SLC30A5: variants seen among roughly 807,000 people sequenced by gnomAD.
SLC30A5 encodes the protein proton-coupled zinc antiporter SLC30A5.
SLC30A5 carries 33 observed loss-of-function variants against 79.6 expected under a neutral mutation model. That is an observed-to-expected ratio of 0.41 (90% CI 0.31 to 0.55). SLC30A5 has a LOEUF of 0.55. SLC30A5 is among the 20% of genes least tolerant of loss of function. The pLI is 0.20. For missense variants in SLC30A5, 788 were observed against 928.1 expected (o/e 0.85, Z 1.96); for synonymous variants, 299 against 319.7 (o/e 0.94, Z 0.69).
intron 15 of SLC30A5, among the ~76,000 whole-genome samples, chr5:69,129,227 G>T (rs1201799758): frequency 6.6e-6 from 1 of 152,076 alleles, no homozygotes; most frequent in East Asian, 1.9e-4. Flanking sequence ...CTTACCAGTT[G>T]AGCATCCCTA....
chr5:69,116,128 G>A lies in SLC30A5; in HGVS notation c.986G>A (p.Arg329Gln), dbSNP rs143418810. Residue 329 changes from arginine (R) to glutamine (Q), a missense_variant, in exon 9 of 16, where the codon CGG becomes CAG. Arg to Gln is a conservative substitution (Grantham distance 43). Transcript: ENST00000396591. This position sits in a 1 kb window ranked among gnomAD's most constrained non-coding sequence, Gnocchi z 4.0. ...ACACATCCAATAACAGACCAGCTTCGGGCTATGAACAAAGCAGCACACCAG... is the reference window on the plus strand; with the variant it reads ...ACACATCCAATAACAGACCAGCTTCAGGCTATGAACAAAGCAGCACACCAG... ...FWTHPITDQL[R>Q]AMNKAAHQES... is the part of the protein sequence containing the mutation. 8.7e-6 allele frequency: 14 copies of A among 1,613,910 alleles called. No homozygotes were observed. The highest frequency in any genetic ancestry group is 5.3e-5 in the African/African-American group (4 of 74,874).
intron 14 of SLC30A5, 142 bp from the exon 15 acceptor site, chr5:69,127,862 T>C: frequency 1.6e-6 from 1 of 618,536 alleles, no homozygotes; most frequent in Non-Finnish European, 2.7e-6. Flanking sequence ...GGTTTTTTGT[T>C]TGTTTTGTTT....
At position 69,119,915 on chromosome 5, in the gene SLC30A5, G is replaced by A. The variant is rs536057260; in HGVS notation, c.1569+1287G>A. 2.6e-5 allele frequency among the ~76,000 whole-genome samples: 4 copies of A among 151,162 alleles called. No homozygotes were observed. The East Asian group carries it at 7.8e-4, about 29-fold the overall frequency. On this transcript the variant is annotated intron_variant, in intron 12 of 15. Coordinates refer to ENST00000396591, the MANE Select transcript of SLC30A5 (RefSeq NM_022902.5). Reference sequence around the variant, plus strand: ...CACACCTGTAATCCCAGCTAGTTGGGAGGCTGAGGCAGGAGAATCACTTCA... The same window carrying A: ...CACACCTGTAATCCCAGCTAGTTGGAAGGCTGAGGCAGGAGAATCACTTCA...
At chr5:69,125,945 T>G (rs1203441116) in intron 14 of SLC30A5, among the ~76,000 whole-genome samples, 1 of 146,972 alleles carries the variant, frequency 6.8e-6, no homozygotes, top group Admixed American at 6.8e-5. Context: ...ACTACCTGAG[T>G]GGCTGAAGCA....
At chr5:69,108,620 G>T (rs1746149188) in intron 5 of SLC30A5, among the ~76,000 whole-genome samples, 184 bp downstream of exon 5, 1 of 152,132 alleles carries the variant, frequency 6.6e-6, no homozygotes, top group Non-Finnish European at 1.5e-5. Context: ...TCAGGAGCTT[G>T]AGACCAGCCT....
intron 7 of SLC30A5, among the ~76,000 whole-genome samples, chr5:69,114,727 T>C (rs539092364): frequency 7.9e-5 from 12 of 152,190 alleles, no homozygotes; most frequent in African/African-American, 2.9e-4. Context: ...TAGCCAGGCA[T>C]GGTGGCACAT....
At chr5:69,123,645 C>G in intron 14 of SLC30A5, 1 of 432,346 alleles carries the variant, frequency 2.3e-6, no homozygotes, top group South Asian at 2.9e-5. Context: ...AAACAGGGAC[C>G]GAATAGATGG....
At chr5:69,127,828 T>C (rs1381670165) in intron 14 of SLC30A5, among the ~76,000 whole-genome samples, 176 bp from the exon 15 acceptor site, 1 of 152,182 alleles carries the variant, frequency 6.6e-6, no homozygotes, top group Non-Finnish European at 1.5e-5. Flanking sequence ...TATTCCTTCC[T>C]GCTTCTGGCT....
chr5:69,120,274 C>A lies in SLC30A5; in HGVS notation c.1570-1420C>A, dbSNP rs530193411. 9.2e-4 allele frequency among the ~76,000 whole-genome samples: 139 copies of A among 151,460 alleles called. 6 individuals carry two copies. In the South Asian group the frequency reaches 0.029, roughly 31 times the overall value. ...TGGCGGGCGCCTGTAATCCCAGCTGCTTGGGTGGCTGAGGTAGGAGAATTG... is the reference window on the plus strand; with the variant it reads ...TGGCGGGCGCCTGTAATCCCAGCTGATTGGGTGGCTGAGGTAGGAGAATTG... On this transcript the variant is annotated intron_variant, in intron 12 of 15. Coordinates refer to ENST00000396591, the MANE Select transcript of SLC30A5 (RefSeq NM_022902.5).
chr5:69,105,850 T>C (rs1283594914), intron 4 of SLC30A5, among the ~76,000 whole-genome samples: 2 of 152,182 alleles, frequency 1.3e-5, no homozygotes, highest in Non-Finnish European at 2.9e-5. Flanking sequence ...AGGAACCCTG[T>C]TGTGAACTGT....
chr5:69,118,725 G>T lies in SLC30A5; in HGVS notation c.1569+97G>T. On this transcript the variant is annotated intron_variant, in intron 12 of 15. Coordinates refer to ENST00000396591, the MANE Select transcript of SLC30A5 (RefSeq NM_022902.5). ...TGTTTGCAGTTATTGCTCTAAGAAGGTTTTATTTTTTACTTATATCAACAT... is the reference window on the plus strand; with the variant it reads ...TGTTTGCAGTTATTGCTCTAAGAAGTTTTTATTTTTTACTTATATCAACAT... 5 of 1,022,738 alleles carry T rather than the reference G, an allele frequency of 4.9e-6. No individual in the cohort carries two copies. In the South Asian group the frequency reaches 6.9e-5, roughly 14 times the overall value. 63.4% of individuals were successfully genotyped at this position (1,022,738 alleles called of 1,614,324 possible).
rs773026820 is a variant in SLC30A5, at chr5:69,129,803, GTAATTATTTAA to G, written c.*187_*197del. 6.6e-6 allele frequency: 3 copies of G among 454,500 alleles called. No homozygotes were observed. Among genetic ancestry groups the G allele is most frequent in the Non-Finnish European group, 1.1e-5 (3 of 264,376 alleles). The allele number at this position is 454,500 out of a possible 1,614,324, so 28.2% of individuals were successfully genotyped here. On this transcript the variant is annotated 3_prime_UTR_variant, in exon 16 of 16. Transcript: ENST00000396591. ...ATGAAACATTAATGGTAAAAGTGGAGTAATTATTTAAATTATGTGTATAAAAGGAATCAAAT... is the reference window on the plus strand; with the variant it reads ...ATGAAACATTAATGGTAAAAGTGGAGATTATGTGTATAAAAGGAATCAAAT...
At chr5:69,096,611 C>A (rs1471770513) in intron 1 of SLC30A5, among the ~76,000 whole-genome samples, 1 of 152,114 alleles carries the variant, frequency 6.6e-6, no homozygotes, top group Non-Finnish European at 1.5e-5. Context: ...ACTCTGCTTA[C>A]CATTCTCTCA....
At chr5:69,105,162 T>C (rs1561289479) in intron 4 of SLC30A5, among the ~76,000 whole-genome samples, 3 of 152,196 alleles carry the variant, frequency 2.0e-5, no homozygotes, top group Admixed American at 6.5e-5. Flanking sequence ...GTATATCAAT[T>C]ATCAGATTAA....
chr5:69,106,727 AG>A (rs1200314300), intron 4 of SLC30A5, among the ~76,000 whole-genome samples: 17 of 152,332 alleles, frequency 1.1e-4, no homozygotes, highest in African/African-American at 3.6e-4. Context: ...ACCTGACCTC[AG>A]GAGGTAGAAG....
chr5:69,105,617 C>T (rs1478910901), intron 4 of SLC30A5, among the ~76,000 whole-genome samples: 1 of 152,004 alleles, frequency 6.6e-6, no homozygotes, highest in African/African-American at 2.4e-5. Flanking sequence ...GAGATCACGC[C>T]ACTGCACTGC....
intron 5 of SLC30A5, among the ~76,000 whole-genome samples, 163 bp downstream of exon 5, chr5:69,108,599 A>G (rs1746148856): frequency 6.6e-6 from 1 of 152,166 alleles, no homozygotes; most frequent in Non-Finnish European, 1.5e-5. Context: ...AGGTGGGCGG[A>G]TTACATGAGG....
rs749022998 is a variant in SLC30A5 at position 69,121,840 on chromosome 5, T to C, written c.1716T>C (p.His572=). Residue 572 remains histidine (H), a synonymous_variant, in exon 13 of 16, where the codon CAT becomes CAC. Transcript: ENST00000396591. Reference sequence around the variant, plus strand: ...ACCATATGCATGGACACAGTGACCATGGGCATGGTCACAGCCACGGATCTG... The same window carrying C: ...ACCATATGCATGGACACAGTGACCACGGGCATGGTCACAGCCACGGATCTG... ...HSHHMHGHSD[H]GHGHSHGSAG... The C allele has an allele frequency of 2.1e-5, 34 of 1,613,554 alleles. No individual in the cohort carries two copies. Among genetic ancestry groups the C allele is most frequent in the Non-Finnish European group, 2.9e-5 (34 of 1,179,820 alleles).
intron 11 of SLC30A5, 102 bp from the exon 12 acceptor site, chr5:69,118,397 A>T: frequency 1.3e-6 from 1 of 789,154 alleles, no homozygotes; most frequent in Non-Finnish European, 1.9e-6. Flanking sequence ...ATTATTAATT[A>T]CTTAGTAGTA....
Sources: allele counts gnomAD v4.1 joint callset (sites outside exome capture counted in the v4.1 genomes callset), GRCh38; gene constraint gnomAD v4.1.1; non-coding constraint Gnocchi (gnomAD v3.1); transcripts MANE v1.5; gene names NCBI Gene and HGNC (gene_info 2026-07-23, HGNC 2026-07-21).